The following RBFOX1 variants were observed in gnomAD, a reference collection of about 807,000 sequenced individuals.
RBFOX1 encodes the protein RNA binding fox-1 homolog 1.
RBFOX1 carries 8 observed loss-of-function variants against 57.7 expected under a neutral mutation model. That is an observed-to-expected ratio of 0.14 (90% CI 0.08 to 0.25). The LOEUF (loss-of-function observed/expected upper bound fraction) is 0.25. Ranked by LOEUF, RBFOX1 falls within the 10% of genes least tolerant of loss-of-function variation. RBFOX1 has a pLI of 1.00. For synonymous variants in RBFOX1, 326 were observed against 222.4 expected (o/e 1.47, Z -4.15); for missense variants, 611 against 548.5 (o/e 1.11, Z -1.14).
intron 3 of RBFOX1, among the ~76,000 whole-genome samples, chr16:5,865,517 G>A (rs2057325270): frequency 6.6e-6 from 1 of 152,180 alleles, no homozygotes; most frequent in South Asian, 2.1e-4. Context: ...GGCTAATGGT[G>A]CATGAAAGCT....
chr16:7,355,418 C>T (rs1001045849), intron 4 of RBFOX1, among the ~76,000 whole-genome samples: 4 of 152,128 alleles, frequency 2.6e-5, no homozygotes, highest in African/African-American at 9.7e-5. Flanking sequence ...TCCTGTCCTA[C>T]CTCCCACCCA....
chr16:6,903,361 G>A (rs977056743), intron 3 of RBFOX1, among the ~76,000 whole-genome samples: 1 of 152,164 alleles, frequency 6.6e-6, no homozygotes, highest in African/African-American at 2.4e-5. Flanking sequence ...CAAGAATGAT[G>A]GGAAACCATT....
At chr16:5,718,631 A>C (rs1316252279) in intron 3 of RBFOX1, among the ~76,000 whole-genome samples, 1 of 152,176 alleles carries the variant, frequency 6.6e-6, no homozygotes, top group East Asian at 1.9e-4. Flanking sequence ...GCCTGGCTGG[A>C]CATGGTAGCT....
At chr16:5,477,203 A>G (rs8062801) in intron 2 of RBFOX1, among the ~76,000 whole-genome samples, 7 of 151,942 alleles carry the variant, frequency 4.6e-5, no homozygotes, top group African/African-American at 1.7e-4. Context: ...ATTTGTAGAG[A>G]TGGGGTCTTG....
chr16:7,064,330 A>C (rs1403824912), intron 4 of RBFOX1, among the ~76,000 whole-genome samples: 1 of 151,596 alleles, frequency 6.6e-6, no homozygotes, highest in African/African-American at 2.4e-5. Context: ...CACCATACCC[A>C]GCTAATTTTT....
intron 14 of RBFOX1, among the ~76,000 whole-genome samples, chr16:7,677,439 C>G: frequency 6.6e-6 from 1 of 152,108 alleles, no homozygotes; most frequent in South Asian, 2.1e-4. Context: ...GTAATGTACA[C>G]CACATGTTAA....
At chr16:5,356,351 G>A (rs138501218) in intron 1 of RBFOX1, among the ~76,000 whole-genome samples, 15 of 152,264 alleles carry the variant, frequency 9.9e-5, no homozygotes, top group South Asian at 2.1e-4. Flanking sequence ...TTAAGTCACC[G>A]CATTTGTGGT....
At chr16:7,314,331 ACGGAATTTCAGGGAGTGGGGT>A (rs1695451461) in intron 4 of RBFOX1, among the ~76,000 whole-genome samples, 3 of 152,152 alleles carry the variant, frequency 2.0e-5, no homozygotes, top group Admixed American at 1.3e-4. Flanking sequence ...CGTGTTCATA[ACGGAATTTCAGGGAGTGGGGT>A]CCTGCCTTGC....
chr16:5,784,860 C>G (rs1021562426), intron 3 of RBFOX1, among the ~76,000 whole-genome samples: 1 of 152,136 alleles, frequency 6.6e-6, no homozygotes, highest in Non-Finnish European at 1.5e-5. Context: ...TCACCAGACA[C>G]TGAATCTCCC....
At chr16:5,523,557 C>T (rs1244766243) in intron 2 of RBFOX1, among the ~76,000 whole-genome samples, 1 of 152,164 alleles carries the variant, frequency 6.6e-6, no homozygotes, top group Non-Finnish European at 1.5e-5. Context: ...GTTGAGACTG[C>T]AGTGAGCCAC....
intron 3 of RBFOX1, among the ~76,000 whole-genome samples, chr16:6,753,003 C>G (rs9928832): frequency 6.6e-6 from 1 of 152,026 alleles, no homozygotes; most frequent in African/African-American, 2.4e-5. Context: ...ATTTCAAATA[C>G]ACAATTGTGC....
At chr16:5,996,232 C>T (rs979133637) in intron 4 of RBFOX1, among the ~76,000 whole-genome samples, 2 of 152,162 alleles carry the variant, frequency 1.3e-5, no homozygotes, top group African/African-American at 4.8e-5. Flanking sequence ...TCCACGAGCT[C>T]TTCTTAAGCT....
chr16:5,359,212 C>T (rs1403043829), intron 1 of RBFOX1, among the ~76,000 whole-genome samples: 1 of 152,202 alleles, frequency 6.6e-6, no homozygotes, highest in Non-Finnish European at 1.5e-5. Flanking sequence ...ATCCATTCAT[C>T]TGTTGATGGA....
Position 6,503,276 on chromosome 16 carries a change from C to T in RBFOX1, c.-63-151327C>T, listed in dbSNP as rs1006504659. Reference sequence around the variant, plus strand: ...CCAAATATCTATACTTATCTATGGGCAGTCTTTGTTTATCTCTTTTCCACT... The same window carrying T: ...CCAAATATCTATACTTATCTATGGGTAGTCTTTGTTTATCTCTTTTCCACT... On this transcript the variant is annotated intron_variant, in intron 2 of 15. Coordinates refer to ENST00000550418, the MANE Select transcript of RBFOX1 (RefSeq NM_018723.4). Among the ~76,000 whole-genome samples, 8 of 152,182 alleles carry T rather than the reference C, an allele frequency of 5.3e-5. No individual in the cohort carries two copies. In the South Asian group the frequency reaches 1.7e-3, roughly 32 times the overall value.
At chr16:6,767,077 T>G (rs2077439139) in intron 3 of RBFOX1, among the ~76,000 whole-genome samples, 1 of 152,154 alleles carries the variant, frequency 6.6e-6, no homozygotes, top group East Asian at 1.9e-4. Context: ...ATCCATTTCC[T>G]CATCCTGTGG....
At chr16:6,569,619 C>T (rs996532394) in intron 2 of RBFOX1, among the ~76,000 whole-genome samples, 1 of 152,192 alleles carries the variant, frequency 6.6e-6, no homozygotes, top group Non-Finnish European at 1.5e-5. Context: ...TTTTCTGTTG[C>T]AGAAGTTTCA....
intron 3 of RBFOX1, among the ~76,000 whole-genome samples, chr16:5,833,796 T>C (rs1347543433): frequency 1.3e-5 from 2 of 152,196 alleles, no homozygotes; most frequent in African/African-American, 2.4e-5. Flanking sequence ...GCCCTTTCTT[T>C]AGCCCAGGCC....
intron 4 of RBFOX1, among the ~76,000 whole-genome samples, chr16:7,485,946 C>T (rs565304677): frequency 1.0e-3 from 157 of 152,198 alleles, no homozygotes; most frequent in African/African-American, 3.7e-3. Flanking sequence ...TGCTGTTTTG[C>T]TACAACTGTG....
At chr16:6,145,458 C>G (rs1055015427) in intron 1 of RBFOX1, among the ~76,000 whole-genome samples, 5 of 152,044 alleles carry the variant, frequency 3.3e-5, no homozygotes, top group African/African-American at 1.2e-4. Context: ...TAGGTTGATT[C>G]CATGTCTTTG....
Sources: gnomAD v4.1 joint callset for allele counts (sites outside exome capture counted in the v4.1 genomes callset) on GRCh38, gnomAD v4.1.1 for gene constraint, MANE v1.5 for transcripts, NCBI Gene and HGNC (gene_info 2026-07-23, HGNC 2026-07-21) for gene names.